The following ROR1 variants were observed in gnomAD, a reference collection of about 807,000 sequenced individuals.
ROR1 encodes the protein ROR family WNT receptor 1.
Under a neutral mutation model 78.8 loss-of-function variants are expected in ROR1, and 19 were observed. The observed-to-expected ratio is 0.24, with a 90% CI of 0.17 to 0.35. The LOEUF is 0.35. Ranked by LOEUF, ROR1 falls within the 10% of genes least tolerant of loss-of-function variation. The probability of loss-of-function intolerance (pLI) is 1.00; values close to 1 mark genes in which losing one functional copy is unlikely to be tolerated. For synonymous variants in ROR1, 386 were observed against 433.6 expected, an observed-to-expected ratio of 0.89 and a Z score of 1.36; for missense variants, 917 against 1,177.8, an observed-to-expected ratio of 0.78 and a Z score of 3.24.
chr1:63,928,694 C>G (rs915854661), intron 1 of ROR1, among the ~76,000 whole-genome samples: 1 of 152,170 alleles, frequency 6.6e-6, no homozygotes, highest in Non-Finnish European at 1.5e-5. Context: ...TTTGTCATCA[C>G]AAGACTAGCT....
intron 1 of ROR1, among the ~76,000 whole-genome samples, chr1:63,919,653 T>C (rs1027914460): frequency 2.6e-5 from 4 of 152,216 alleles, no homozygotes; most frequent in Admixed American, 2.6e-4. Flanking sequence ...GCCTTGCTAC[T>C]TCCTGTCTTT....
chr1:64,028,239 A>G (rs1410606744), intron 2 of ROR1, among the ~76,000 whole-genome samples: 1 of 152,218 alleles, frequency 6.6e-6, no homozygotes, highest in Non-Finnish European at 1.5e-5. Flanking sequence ...TTGATGAGCT[A>G]TGTGCCAGTT....
At chr1:63,989,353 G>A (rs993496452) in intron 1 of ROR1, among the ~76,000 whole-genome samples, 3 of 151,978 alleles carry the variant, frequency 2.0e-5, no homozygotes, top group African/African-American at 7.2e-5. Context: ...AGGATGAAAT[G>A]AGAAAATTCA....
chr1:64,034,055 G>A (rs1449110350), intron 2 of ROR1, among the ~76,000 whole-genome samples: 2 of 152,200 alleles, frequency 1.3e-5, no homozygotes, highest in Non-Finnish European at 2.9e-5. Context: ...AAGTAGGGAT[G>A]CTGGTTGGCT....
chr1:63,848,649 A>G (rs1645096150), intron 1 of ROR1, among the ~76,000 whole-genome samples: 1 of 152,168 alleles, frequency 6.6e-6, no homozygotes. Context: ...CTAGGCTTAG[A>G]TGAATGTGCC....
intron 4 of ROR1, among the ~76,000 whole-genome samples, chr1:64,135,010 G>T (rs759113393): frequency 6.6e-6 from 1 of 151,942 alleles, no homozygotes; most frequent in Non-Finnish European, 1.5e-5. Flanking sequence ...CGGCCTCCCA[G>T]TGTGCTGCCA....
intron 8 of ROR1, among the ~76,000 whole-genome samples, chr1:64,165,370 T>C (rs546984780): frequency 6.6e-6 from 1 of 152,346 alleles, no homozygotes; most frequent in Non-Finnish European, 1.5e-5. Context: ...CATATGTTTG[T>C]TGGCCACACG....
At chr1:64,097,888 A>G (rs1647359075) in intron 4 of ROR1, among the ~76,000 whole-genome samples, 1 of 152,076 alleles carries the variant, frequency 6.6e-6, no homozygotes, top group Admixed American at 6.6e-5. Context: ...AGATTGAAGG[A>G]TTTGAGAGAT....
intron 2 of ROR1, among the ~76,000 whole-genome samples, chr1:64,020,482 T>C (rs1570069729): frequency 6.6e-6 from 1 of 152,214 alleles, no homozygotes; most frequent in Non-Finnish European, 1.5e-5. Context: ...AGAAAAACTT[T>C]AGACAAGGTT....
At chr1:63,863,388 G>A (rs1645193616) in intron 1 of ROR1, among the ~76,000 whole-genome samples, 1 of 152,136 alleles carries the variant, frequency 6.6e-6, no homozygotes, top group Non-Finnish European at 1.5e-5. Flanking sequence ...CGGAGCCTGA[G>A]TTTCTGGTGC....
intron 1 of ROR1, among the ~76,000 whole-genome samples, chr1:63,792,257 A>T (rs1381665936): frequency 1.3e-5 from 2 of 152,172 alleles, no homozygotes; most frequent in African/African-American, 2.4e-5. Flanking sequence ...AGTTTACAGT[A>T]CAACCAGCAA....
intron 4 of ROR1, among the ~76,000 whole-genome samples, chr1:64,060,283 C>T (rs895277016): frequency 6.6e-6 from 1 of 152,142 alleles, no homozygotes; most frequent in Non-Finnish European, 1.5e-5. Context: ...GATAATATTA[C>T]TAACAGTATC....
intron 1 of ROR1, among the ~76,000 whole-genome samples, chr1:63,942,548 G>T (rs779860506): frequency 3.3e-5 from 5 of 152,000 alleles, no homozygotes; most frequent in Non-Finnish European, 7.3e-5. Flanking sequence ...TCTGTATGAT[G>T]CATGGCCTTA....
intron 8 of ROR1, among the ~76,000 whole-genome samples, chr1:64,161,860 T>C (rs956905030): frequency 6.6e-6 from 1 of 152,194 alleles, no homozygotes; most frequent in African/African-American, 2.4e-5. Context: ...CCGATCAAAT[T>C]TGAGTTATTC....
chr1:64,144,842 T>A (rs1242185200), intron 7 of ROR1, among the ~76,000 whole-genome samples: 1 of 152,172 alleles, frequency 6.6e-6, no homozygotes, highest in Non-Finnish European at 1.5e-5. Context: ...TAAAAGCAGT[T>A]TATTGTAATA....
At chr1:64,093,095 T>C (rs1647216789) in intron 4 of ROR1, among the ~76,000 whole-genome samples, 2 of 152,198 alleles carry the variant, frequency 1.3e-5, no homozygotes, top group African/African-American at 4.8e-5. Flanking sequence ...CGCCGGGTTG[T>C]TCATCCACTT....
At chr1:63,814,025 T>C (rs935960431) in intron 1 of ROR1, among the ~76,000 whole-genome samples, 1 of 152,254 alleles carries the variant, frequency 6.6e-6, no homozygotes, top group African/African-American at 2.4e-5. Flanking sequence ...TGACCTATTA[T>C]TTTGCATGCT....
At chr1:63,783,864 C>T (rs1318801673) in intron 1 of ROR1, among the ~76,000 whole-genome samples, 2 of 152,164 alleles carry the variant, frequency 1.3e-5, no homozygotes, top group East Asian at 3.9e-4. Flanking sequence ...GCAGGGTGCT[C>T]AGTGTGTTCC....
chr1:63,899,653 C>T (rs114457143), intron 1 of ROR1, among the ~76,000 whole-genome samples: 3,478 of 152,030 alleles, frequency 0.023, 77 homozygotes, highest in African/African-American at 0.053. Flanking sequence ...GTTACATTGG[C>T]ACCAGGAAAC....
Sources: gnomAD v4.1 joint callset for allele counts (sites outside exome capture counted in the v4.1 genomes callset) on GRCh38, gnomAD v4.1.1 for gene constraint, MANE v1.5 for transcripts, NCBI Gene and HGNC (gene_info 2026-07-23, HGNC 2026-07-21) for gene names.